PEBP4: variants seen among roughly 807,000 people sequenced by gnomAD.
PEBP4 encodes the protein phosphatidylethanolamine-binding protein 4.
In PEBP4, 22 loss-of-function variants were observed where a neutral mutation model predicts 23.9. That is an observed-to-expected ratio of 0.92 (90% confidence interval 0.66 to 1.31). PEBP4 has a LOEUF of 1.31. Among genes scored for constraint, PEBP4 ranks in the 40% most tolerant of loss-of-function variants. The pLI, the probability that PEBP4 is intolerant of heterozygous loss-of-function variation, is 0.00. For missense variants in PEBP4, 324 were observed against 281.7 expected (o/e 1.15, Z -1.07); for synonymous variants, 112 against 99.3 (o/e 1.13, Z -0.76).
At chr8:22,891,698 T>C (rs2128774803) in intron 3 of PEBP4, among the ~76,000 whole-genome samples, 1 of 152,326 alleles carries the variant, frequency 6.6e-6, no homozygotes, top group Admixed American at 6.5e-5. Flanking sequence ...AGAGGAGGAA[T>C]GGAGCTGGGA....
chr8:22,925,975 G>GT (rs1166212827), intron 2 of PEBP4, among the ~76,000 whole-genome samples: 1 of 152,046 alleles, frequency 6.6e-6, no homozygotes, highest in African/African-American at 2.4e-5. Flanking sequence ...TTGCTTGTTT[G>GT]TTTTTTTGTT....
At chr8:22,791,861 T>C (rs1189343912) in intron 4 of PEBP4, among the ~76,000 whole-genome samples, 1 of 122,820 alleles carries the variant, frequency 8.1e-6, no homozygotes, top group East Asian at 2.3e-4. Flanking sequence ...AAGCACTGGA[T>C]TCTTTTTTTT....
chr8:22,770,292 C>G (rs2128753911), intron 4 of PEBP4, among the ~76,000 whole-genome samples: 1 of 152,348 alleles, frequency 6.6e-6, no homozygotes, highest in Non-Finnish European at 1.5e-5. Flanking sequence ...GAAACCTGCT[C>G]TCTGCCATAT....
At chr8:22,797,184 C>T (rs546342581) in intron 4 of PEBP4, among the ~76,000 whole-genome samples, 4 of 144,536 alleles carry the variant, frequency 2.8e-5, no homozygotes, top group South Asian at 2.2e-4. Flanking sequence ...ACCCAGGAGG[C>T]GGAGGTTGCG....
intron 3 of PEBP4, among the ~76,000 whole-genome samples, chr8:22,898,902 C>T (rs544445837): frequency 1.3e-5 from 2 of 152,206 alleles, no homozygotes; most frequent in African/African-American, 4.8e-5. Context: ...GAGGGACGGG[C>T]CCCACCCTGT....
intron 4 of PEBP4, among the ~76,000 whole-genome samples, chr8:22,785,637 G>C (rs1196614251): frequency 2.0e-5 from 3 of 152,124 alleles, no homozygotes; most frequent in Non-Finnish European, 4.4e-5. Context: ...AGTCAGATGG[G>C]CTCTGCCACC....
At chr8:22,885,240 C>T (rs898041148) in intron 3 of PEBP4, 1 of 152,148 alleles carries the variant, frequency 6.6e-6, no homozygotes, top group Non-Finnish European at 1.5e-5. Context: ...CATAAATCAT[C>T]TCATCTAAAT....
intron 4 of PEBP4, among the ~76,000 whole-genome samples, chr8:22,758,623 C>T (rs1805439871): frequency 6.6e-6 from 1 of 152,116 alleles, no homozygotes; most frequent in Non-Finnish European, 1.5e-5. Context: ...CTTGGCCTGC[C>T]CCGGAGTTAG....
At chr8:22,769,261 T>C (rs1184332047) in intron 4 of PEBP4, among the ~76,000 whole-genome samples, 1 of 152,212 alleles carries the variant, frequency 6.6e-6, no homozygotes, top group East Asian at 1.9e-4. Flanking sequence ...GCCCATACTC[T>C]TGGCGCCAAC....
chr8:22,801,339 TCA>T (rs754037529), intron 4 of PEBP4, among the ~76,000 whole-genome samples: 1 of 151,916 alleles, frequency 6.6e-6, no homozygotes, highest in East Asian at 1.9e-4. Context: ...TGGTTCAGAG[TCA>T]CAGAGCAGTC....
chr8:22,862,409 G>A (rs536661021), intron 3 of PEBP4, among the ~76,000 whole-genome samples: 1 of 151,964 alleles, frequency 6.6e-6, no homozygotes, highest in Non-Finnish European at 1.5e-5. Context: ...AGCGATTAAT[G>A]TCAGGGTCCC....
At chr8:22,725,771 A>G (rs1400300307) in intron 5 of PEBP4, among the ~76,000 whole-genome samples, 1 of 152,196 alleles carries the variant, frequency 6.6e-6, no homozygotes, top group African/African-American at 2.4e-5. Flanking sequence ...TGGGTGGGAA[A>G]GAAGCATTTG....
At chr8:22,879,436 A>G (rs926378617) in intron 3 of PEBP4, 1 of 152,236 alleles carries the variant, frequency 6.6e-6, no homozygotes, top group African/African-American at 2.4e-5. Context: ...ATTTCAAGCC[A>G]GTGGGGAGAG....
At chr8:22,923,252 G>A (rs1809250670) in intron 2 of PEBP4, among the ~76,000 whole-genome samples, 1 of 152,108 alleles carries the variant, frequency 6.6e-6, no homozygotes, top group South Asian at 2.1e-4. Flanking sequence ...GTGGTCATGT[G>A]GGTCTCTGTC....
At chr8:22,932,455 G>A (rs1038088567), upstream of PEBP4, among the ~76,000 whole-genome samples, 4 of 152,072 alleles carry the variant, frequency 2.6e-5, no homozygotes, top group Non-Finnish European at 5.9e-5. Flanking sequence ...AGTCATCCTG[G>A]GGATGTCAGC....
At chr8:22,938,691 G>C (rs1809571466) in intron 1 of PEBP4, among the ~76,000 whole-genome samples, 1 of 152,004 alleles carries the variant, frequency 6.6e-6, no homozygotes, top group South Asian at 2.1e-4. Context: ...AATTCCTAAA[G>C]GTCACACTTC....
chr8:22,751,649 TG>T lies in PEBP4; in HGVS notation c.358-24430del, dbSNP rs1351822171. Among the ~76,000 whole-genome samples, 509 of 150,610 alleles carry T rather than the reference TG, an allele frequency of 3.4e-3. 2 individuals are homozygous for T. Among genetic ancestry groups the T allele is most frequent in the Middle Eastern group, 6.9e-3 (2 of 290 alleles). On this transcript the variant is annotated intron_variant, in intron 4 of 6. Transcript: ENST00000256404. ...GTGTCTCTGTGTGTGTGTGTGTGTG[TG>T]TGTGTGTTGTGCGTCTATATATTTG...
In PEBP4 at chr8:22,897,443, A is replaced by G. The variant is rs1402159736; in HGVS notation, c.258+22741T>C. ...TGAGGCACCAAAAACAAACCCTTTC[A>G]TCGTCTTACTCAGGCTTATCTCTGC... On this transcript the variant is annotated intron_variant, in intron 3 of 6. Transcript: ENST00000256404. 4.6e-5 allele frequency among the ~76,000 whole-genome samples: 7 copies of G among 152,166 alleles called. No homozygotes were observed. In the East Asian group the frequency reaches 1.3e-3, roughly 29 times the overall value.
At chr8:22,810,897 A>T (rs1806611984) in intron 4 of PEBP4, among the ~76,000 whole-genome samples, 1 of 151,446 alleles carries the variant, frequency 6.6e-6, no homozygotes, top group Non-Finnish European at 1.5e-5. Context: ...AGAGAGAGAG[A>T]GAGAGAGAGA....
Sources: allele counts gnomAD v4.1 joint callset (sites outside exome capture counted in the v4.1 genomes callset), GRCh38; gene constraint gnomAD v4.1.1; transcripts MANE v1.5; gene names NCBI Gene and HGNC (gene_info 2026-07-23, HGNC 2026-07-21).